Variants in CLPB observed in about 807,000 individuals in gnomAD.
CLPB encodes the protein mitochondrial disaggregase.
Under a neutral mutation model 78.4 loss-of-function variants are expected in CLPB, and 40 were observed. The ratio of observed to expected loss-of-function variants is 0.51; its 90% CI spans 0.40 to 0.66. The LOEUF is 0.66. Ranked by LOEUF, CLPB falls within the 30% of genes least tolerant of loss-of-function variation. The pLI, the probability that CLPB is intolerant of heterozygous loss-of-function variation, is 0.00. For synonymous variants in CLPB, 333 were observed against 348.0 expected (o/e 0.96, Z 0.48); for missense variants, 780 against 886.9 (o/e 0.88, Z 1.53).
At chr11:72,339,292 G>T (rs556217827) in intron 5 of CLPB, among the ~76,000 whole-genome samples, 14 of 152,338 alleles carry the variant, frequency 9.2e-5, no homozygotes, top group African/African-American at 3.4e-4. Context: ...ATTGAGAAAG[G>T]AAAGGGTTTA....
Position 72,317,195 on chromosome 11 carries a change from T to C in CLPB, c.899A>G (p.Glu300Gly). The change falls in exon 7 of 16, where the codon GAG becomes GGG. Residue 300 changes from glutamate to glycine, a missense_variant. Transcript: ENST00000538039. ...AKYQEKQRKR[E>G]AEERRRFPLE... ...GGGGAAGCGGCGCCGCTCCTCAGCC[T>C]CACGCTTCCGCTGCTTCTCTTGGTA... The C allele has an allele frequency of 6.2e-7, 1 of 1,611,650 alleles. No homozygotes were observed. The highest frequency in any genetic ancestry group is 8.5e-7 in the Non-Finnish European group (1 of 1,179,252).
intron 5 of CLPB, among the ~76,000 whole-genome samples, chr11:72,349,828 G>C (rs191874117): frequency 6.6e-6 from 1 of 152,368 alleles, no homozygotes; most frequent in East Asian, 1.9e-4. Context: ...CTCAGTGCAG[G>C]TGGAGGAGAG....
chr11:72,302,459 T>A, intron 9 of CLPB, 111 bp from the exon 10 acceptor site: 1 of 876,716 alleles, frequency 1.1e-6, no homozygotes, highest in Non-Finnish European at 1.9e-6. Context: ...CACACCAACA[T>A]AAGATCTTCT....
At chr11:72,387,229 A>C (rs1216923797) in intron 3 of CLPB, among the ~76,000 whole-genome samples, 1 of 152,204 alleles carries the variant, frequency 6.6e-6, no homozygotes, top group South Asian at 2.1e-4. Context: ...TAGAATGAAA[A>C]CTAATAATTG....
intron 6 of CLPB, among the ~76,000 whole-genome samples, chr11:72,321,703 G>C (rs1950046760): frequency 6.6e-6 from 1 of 152,192 alleles, no homozygotes; most frequent in South Asian, 2.1e-4. Context: ...GGCAGAACAA[G>C]ACCCTGGGCA....
intron 7 of CLPB, among the ~76,000 whole-genome samples, chr11:72,314,541 A>G (rs1056444362): frequency 3.3e-5 from 5 of 152,082 alleles, no homozygotes; most frequent in African/African-American, 9.7e-5. Context: ...TTCCCTAGAG[A>G]TGGACAAGGG....
intron 2 of CLPB, chr11:72,429,213 A>T (rs1359758440): frequency 6.6e-6 from 1 of 152,246 alleles, no homozygotes; most frequent in Non-Finnish European, 1.5e-5. Flanking sequence ...CATGTTTATT[A>T]AACTATTGCT....
chr11:72,295,844 C>T (rs1008777920), intron 11 of CLPB, among the ~76,000 whole-genome samples, 196 bp from the exon 12 acceptor site: 28 of 152,240 alleles, frequency 1.8e-4, no homozygotes, highest in African/African-American at 6.0e-4. Context: ...CACCGCCCTG[C>T]GCTGCAACTG....
intron 11 of CLPB, among the ~76,000 whole-genome samples, chr11:72,296,437 A>G (rs911575504): frequency 6.6e-6 from 1 of 152,188 alleles, no homozygotes; most frequent in African/African-American, 2.4e-5. Flanking sequence ...AGAAGGAGAA[A>G]AGGAGCAAAC....
rs201491171 is a variant in CLPB at position 72,434,500 on chromosome 11, T to C, written c.-26A>G. The C allele has an allele frequency of 1.3e-6, 2 of 1,521,258 alleles. No homozygotes were observed. Among genetic ancestry groups the C allele is most frequent in the Non-Finnish European group, 1.8e-6 (2 of 1,134,030 alleles). The allele number at this position is 1,521,258 out of a possible 1,614,324, so 94.2% of individuals were successfully genotyped here. A position where few individuals can be genotyped will look rare whatever the true frequency, so the allele number is the denominator to read the frequency against. ...CTTGACAGCTGCTTCGATAACCCCG[T>C]GGTGCCGGCCCCTGTGCTGACCACG... On this transcript the variant is annotated 5_prime_UTR_variant, in exon 1 of 16. Coordinates refer to ENST00000538039, the MANE Select transcript of CLPB (RefSeq NM_001258392.3).
At chr11:72,326,091 A>G (rs1188751978) in intron 6 of CLPB, among the ~76,000 whole-genome samples, 1 of 152,214 alleles carries the variant, frequency 6.6e-6, no homozygotes, top group East Asian at 1.9e-4. Context: ...CAGGGGTAAC[A>G]AGAACTACTT....
chr11:72,400,843 C>G (rs762371866), intron 3 of CLPB, among the ~76,000 whole-genome samples: 7 of 152,192 alleles, frequency 4.6e-5, no homozygotes, highest in Non-Finnish European at 1.0e-4. Context: ...AGTCCCCTCA[C>G]ACCCTTTGCT....
chr11:72,304,275 TTA>T (rs1949708757), intron 9 of CLPB: 1 of 152,216 alleles, frequency 6.6e-6, no homozygotes, highest in African/African-American at 2.4e-5. Flanking sequence ...GTTTAACATT[TTA>T]CATCACTATC....
Position 72,315,154 on chromosome 11 carries a change from G to A in CLPB, c.988+1952C>T, listed in dbSNP as rs570451823. 2.6e-5 allele frequency among the ~76,000 whole-genome samples: 4 copies of A among 152,218 alleles called. No homozygotes were observed. The East Asian group carries it at 7.8e-4, about 30-fold the overall frequency. The stretch of plus-strand genomic sequence containing the variant: ...GGCTGTAAGGGGTGAGGGGGAGGGA[G>A]GGGCCAAGGAAGCATCTGAGTTTCT... On this transcript the variant is annotated intron_variant, in intron 7 of 15. Coordinates refer to ENST00000538039, the MANE Select transcript of CLPB (RefSeq NM_001258392.3).
In CLPB at chr11:72,434,262, C is replaced by T. The variant is rs1856645490; in HGVS notation, c.213G>A (p.Gly71=). The change falls in exon 1 of 16, where the codon GGG becomes GGA. Residue 71 remains glycine, a synonymous_variant. Transcript: ENST00000538039. ...TATCGAAGCGTCCTCCCTGGCGCCC[C>T]CCGGTGGCTGCCCCACGTCCGGAGA... is the stretch of plus-strand genomic sequence containing the variant. ...ALFSGRGAAT[G]GRQGGRFDTK... 4 of 1,613,164 alleles carry T rather than the reference C, an allele frequency of 2.5e-6. No homozygotes were observed. Among genetic ancestry groups the T allele is most frequent in the Non-Finnish European group, 3.4e-6 (4 of 1,179,866 alleles).
intron 2 of CLPB, among the ~76,000 whole-genome samples, chr11:72,417,923 A>C (rs1856072251): frequency 6.6e-6 from 1 of 152,146 alleles, no homozygotes; most frequent in African/African-American, 2.4e-5. Flanking sequence ...TGTGCTTTAC[A>C]TCCTGCCCCA....
intron 4 of CLPB, chr11:72,372,867 A>T: frequency 6.9e-7 from 1 of 1,458,020 alleles, no homozygotes; most frequent in South Asian, 1.1e-5. Flanking sequence ...GTCAGATGAG[A>T]CCATCCTTGG....
At chr11:72,362,096 T>C (rs1421669451) in intron 4 of CLPB, among the ~76,000 whole-genome samples, 3 of 152,224 alleles carry the variant, frequency 2.0e-5, no homozygotes, top group Admixed American at 2.0e-4. Flanking sequence ...ATGCTCTTTC[T>C]TGCCTCTGAG....
intron 4 of CLPB, among the ~76,000 whole-genome samples, chr11:72,378,997 C>G (rs921936588): frequency 2.0e-5 from 3 of 152,112 alleles, no homozygotes; most frequent in African/African-American, 7.2e-5. Flanking sequence ...AGAGAAGGAG[C>G]AGGTTTAGAG....
Sources: allele counts gnomAD v4.1 joint callset (sites outside exome capture counted in the v4.1 genomes callset), GRCh38; gene constraint gnomAD v4.1.1; transcripts MANE v1.5; gene names NCBI Gene and HGNC (gene_info 2026-07-23, HGNC 2026-07-21).